Variants in DGKH observed in about 807,000 individuals in gnomAD.
The protein encoded by DGKH is DAG kinase eta.
In DGKH, 90 loss-of-function variants were observed where a neutral mutation model predicts 159.3. The observed-to-expected ratio is 0.57, with a 90% confidence interval of 0.48 to 0.67. DGKH has a LOEUF of 0.67. Among genes scored for constraint, DGKH ranks in the 30% least tolerant of loss-of-function variants. The probability of loss-of-function intolerance (pLI) is 0.00; values close to 1 mark genes in which losing one functional copy is unlikely to be tolerated. For missense variants in DGKH, 1,181 were observed against 1,506.1 expected (o/e 0.78, Z 3.57); for synonymous variants, 536 against 553.8 (o/e 0.97, Z 0.45).
chr13:42,079,892 T>C (rs1054926056), intron 1 of DGKH, among the ~76,000 whole-genome samples: 1 of 152,224 alleles, frequency 6.6e-6, no homozygotes, highest in Admixed American at 6.5e-5. Context: ...TGGGTGTTTT[T>C]TGAGTTCTTT....
intron 30 of DGKH, among the ~76,000 whole-genome samples, chr13:42,253,215 G>A (rs1958632649): frequency 6.6e-6 from 1 of 152,098 alleles, no homozygotes; most frequent in South Asian, 2.1e-4. Flanking sequence ...AATGGTATTG[G>A]CAGGGGGATC....
At chr13:42,041,862 CG>C (rs975735818) in intron 1 of DGKH, among the ~76,000 whole-genome samples, 7 of 152,342 alleles carry the variant, frequency 4.6e-5, no homozygotes, top group African/African-American at 1.7e-4. Flanking sequence ...TTCCGGTCAA[CG>C]TGTTCGGATG....
In DGKH at chr13:42,155,800, G is replaced by T; in HGVS notation, c.622+1G>T. On this transcript the variant is annotated splice_donor_variant, in intron 5 of 29. Coordinates refer to ENST00000337343, the MANE Select transcript of DGKH (RefSeq NM_178009.5). LOFTEE classifies it high-confidence loss of function. ...ACCTCCCATGGCCTGTCCTGCGAAG[G>T]TACTGTAGCACCTAGCATGTGTTTT... The T allele has an allele frequency of 1.2e-6, 2 of 1,613,928 alleles. No individual in the cohort carries two copies. Among genetic ancestry groups the T allele is most frequent in the Non-Finnish European group, 1.7e-6 (2 of 1,179,964 alleles).
Position 42,241,895 on chromosome 13 carries a change from C to T in DGKH, c.*12707C>T, listed in dbSNP as rs1412582106. 1 of 152,110 alleles carries T rather than the reference C, an allele frequency of 6.6e-6. No individual in the cohort carries two copies. The highest frequency in any genetic ancestry group is 1.5e-5 in the Non-Finnish European group (1 of 68,010). 9.4% of individuals were successfully genotyped at this position (152,110 alleles called of 1,614,324 possible). A position where few individuals can be genotyped will look rare whatever the true frequency, so the allele number is the denominator to read the frequency against. Reference sequence around the variant, plus strand: ...TATGGATGGTTAGGCAATAGGGTTCCTTCATGAGAAGGAAAAAACTGTATC... The same window carrying T: ...TATGGATGGTTAGGCAATAGGGTTCTTTCATGAGAAGGAAAAAACTGTATC... On this transcript the variant is annotated 3_prime_UTR_variant, in exon 30 of 30. Transcript: ENST00000337343.
intron 3 of DGKH, among the ~76,000 whole-genome samples, chr13:42,134,515 T>C (rs1353969584): frequency 1.3e-5 from 2 of 152,206 alleles, no homozygotes; most frequent in African/African-American, 4.8e-5. Flanking sequence ...CCCATTTATC[T>C]CAGGTTTTAT....
intron 1 of DGKH, among the ~76,000 whole-genome samples, chr13:42,097,094 T>C (rs1005646874): frequency 3.9e-5 from 6 of 152,232 alleles, no homozygotes; most frequent in African/African-American, 1.2e-4. Context: ...TTTCAGGATC[T>C]TCTCTTTTCC....
intron 5 of DGKH, 45 bp from the exon 6 acceptor site, chr13:42,159,220 CT>C: frequency 1.0e-6 from 1 of 960,060 alleles, no homozygotes; most frequent in Non-Finnish European, 1.4e-6. Flanking sequence ...TCCAAAATTT[CT>C]TGTCCACTTA....
intron 1 of DGKH, among the ~76,000 whole-genome samples, chr13:42,053,991 A>G (rs182641477): frequency 1.3e-5 from 2 of 152,334 alleles, no homozygotes; most frequent in Admixed American, 1.3e-4. Flanking sequence ...TTTTAATTTA[A>G]TATGAAGGAT....
intron 29 of DGKH, among the ~76,000 whole-genome samples, chr13:42,222,596 G>A (rs1040834655): frequency 6.6e-6 from 1 of 152,118 alleles, no homozygotes; most frequent in African/African-American, 2.4e-5. Flanking sequence ...CCACAAAAAA[G>A]TAAATGTAGG....
chr13:42,115,385 A>T (rs778098803), intron 1 of DGKH, among the ~76,000 whole-genome samples: 1 of 152,192 alleles, frequency 6.6e-6, no homozygotes, highest in Non-Finnish European at 1.5e-5. Context: ...AGTTTTTGTC[A>T]CTGAGAAACT....
rs143330866 is a variant in DGKH at position 42,060,062 on chromosome 13, C to T, written c.192+11097C>T. On this transcript the variant is annotated intron_variant, in intron 1 of 29. Coordinates refer to ENST00000337343, the MANE Select transcript of DGKH (RefSeq NM_178009.5). The stretch of plus-strand genomic sequence containing the variant: ...CTGGGATTACAGGTGCATGCCACCA[C>T]GCCTGGCTAATTTTTGTATTTTTAG... 6.1e-4 allele frequency among the ~76,000 whole-genome samples: 93 copies of T among 152,122 alleles called. No homozygotes were observed. The East Asian group carries it at 8.7e-3, about 14-fold the overall frequency.
chr13:42,178,815 C>T (rs532658519), intron 13 of DGKH, among the ~76,000 whole-genome samples: 2 of 152,088 alleles, frequency 1.3e-5, no homozygotes, highest in Non-Finnish European at 2.9e-5. Context: ...ACTGGAAAGT[C>T]GACTAGAAGA....
At chr13:42,165,262 C>A in intron 7 of DGKH, 69 bp from the exon 8 acceptor site, 1 of 791,618 alleles carries the variant, frequency 1.3e-6, no homozygotes. Context: ...TTATCAGTTC[C>A]TTAGATGTGA....
chr13:42,059,438 C>T (rs1376725865), intron 1 of DGKH, among the ~76,000 whole-genome samples: 3 of 151,866 alleles, frequency 2.0e-5, no homozygotes, highest in South Asian at 2.1e-4. Context: ...TTAGTAGAGA[C>T]GGGGTTTCTC....
intron 1 of DGKH, among the ~76,000 whole-genome samples, chr13:42,104,771 C>A (rs1458034520): frequency 6.6e-6 from 1 of 152,074 alleles, no homozygotes; most frequent in Non-Finnish European, 1.5e-5. Flanking sequence ...TATCTGGAGA[C>A]CTGACTTATT....
intron 1 of DGKH, among the ~76,000 whole-genome samples, chr13:42,097,628 C>A (rs1159391327): frequency 1.3e-5 from 2 of 152,154 alleles, no homozygotes; most frequent in Non-Finnish European, 2.9e-5. Flanking sequence ...ATTTGTGTAA[C>A]CCTCCTGTTT....
chr13:42,104,630 A>G (rs1954713393), intron 1 of DGKH, among the ~76,000 whole-genome samples: 1 of 152,212 alleles, frequency 6.6e-6, no homozygotes, highest in Non-Finnish European at 1.5e-5. Context: ...TCACATGGCC[A>G]GATGCTAGGG....
At chr13:42,216,658 G>T (rs1232602777) in intron 26 of DGKH, 1 of 152,240 alleles carries the variant, frequency 6.6e-6, no homozygotes, top group African/African-American at 2.4e-5. Flanking sequence ...CTGAAAGGCT[G>T]CATGAAAGCC....
chr13:42,155,459 A>G lies in DGKH; in HGVS notation c.489+64A>G, dbSNP rs78999869. On this transcript the variant is annotated intron_variant, in intron 4 of 29. Transcript: ENST00000337343. ...AAATAAATGTTAACCAAAGGGCTAG[A>G]GCTCTACCGTGCAAACATAAGTATG... 554 of 1,527,540 alleles carry G rather than the reference A, an allele frequency of 3.6e-4. 5 individuals are homozygous for G. In the East Asian group the frequency reaches 0.012, roughly 34 times the overall value. 94.6% of individuals were successfully genotyped at this position (1,527,540 alleles called of 1,614,324 possible).
Sources: allele counts gnomAD v4.1 joint callset (sites outside exome capture counted in the v4.1 genomes callset), GRCh38; gene constraint gnomAD v4.1.1; transcripts MANE v1.5; gene names NCBI Gene and HGNC (gene_info 2026-07-23, HGNC 2026-07-21).